Variants in NEXN observed in about 807,000 individuals in gnomAD.
NEXN encodes the protein nexilin.
Under a neutral mutation model 92.6 loss-of-function variants are expected in NEXN, and 65 were observed. The ratio of observed to expected loss-of-function variants is 0.70; its 90% CI spans 0.57 to 0.86. The LOEUF (loss-of-function observed/expected upper bound fraction) is 0.86, where lower values mean the gene tolerates loss of function less well. NEXN is among the 40% of genes least tolerant of loss of function. The pLI is 0.00. For synonymous variants in NEXN, 254 were observed against 242.5 expected (o/e 1.05, Z -0.44); for missense variants, 778 against 771.1 (o/e 1.01, Z -0.11).
At chr1:77,936,855 T>C (rs1650806906) in intron 11 of NEXN, among the ~76,000 whole-genome samples, 1 of 152,176 alleles carries the variant, frequency 6.6e-6, no homozygotes, top group African/African-American at 2.4e-5. Context: ...CAGAGGAGAC[T>C]GAATAAAAGG....
intron 6 of NEXN, among the ~76,000 whole-genome samples, chr1:77,925,965 T>C (rs1029358796): frequency 6.6e-6 from 1 of 152,148 alleles, no homozygotes; most frequent in Non-Finnish European, 1.5e-5. Flanking sequence ...TACTGTGTTT[T>C]TTTCTCACTA....
chr1:77,921,994 C>T (rs962279912), intron 5 of NEXN, among the ~76,000 whole-genome samples: 7 of 151,986 alleles, frequency 4.6e-5, no homozygotes, highest in African/African-American at 1.5e-4. Context: ...TCTCAAAATC[C>T]GGGGCTCAAG....
chr1:77,932,274 A>G (rs913190833), intron 9 of NEXN, among the ~76,000 whole-genome samples: 3 of 152,188 alleles, frequency 2.0e-5, no homozygotes, highest in African/African-American at 7.2e-5. Context: ...GCTTTGCCAC[A>G]TAGTATTTGT....
At chr1:77,900,057 T>TA (rs1473545391) in intron 1 of NEXN, among the ~76,000 whole-genome samples, 1 of 152,184 alleles carries the variant, frequency 6.6e-6, no homozygotes, top group Non-Finnish European at 1.5e-5. Flanking sequence ...ATAGTATTAT[T>TA]AGGTAATATC....
chr1:77,923,679 CTTTTT>C (rs67301412), intron 5 of NEXN, among the ~76,000 whole-genome samples: 4 of 83,114 alleles, frequency 4.8e-5, no homozygotes, highest in African/African-American at 1.3e-4. Flanking sequence ...ATTGAGCTCT[CTTTTT>C]TTTTTTTTTT....
At chr1:77,894,107 C>T (rs368053599) in intron 1 of NEXN, among the ~76,000 whole-genome samples, 8 of 151,970 alleles carry the variant, frequency 5.3e-5, no homozygotes, top group African/African-American at 1.2e-4. Context: ...TACAAGCATG[C>T]GCCACCGCAC....
chr1:77,912,217 T>C (rs1401309019), intron 1 of NEXN, among the ~76,000 whole-genome samples: 1 of 152,138 alleles, frequency 6.6e-6, no homozygotes, highest in Non-Finnish European at 1.5e-5. Flanking sequence ...TAAACAACTA[T>C]GAAATTATTT....
At chr1:77,924,194 T>C (rs1413908956) in intron 5 of NEXN, 2 of 175,678 alleles carry the variant, frequency 1.1e-5, no homozygotes, top group South Asian at 9.8e-5. Flanking sequence ...AAACCCCATC[T>C]CTACTAAAAA....
chr1:77,889,594 G>A (rs1188537626), intron 1 of NEXN: 1 of 152,170 alleles, frequency 6.6e-6, no homozygotes, highest in African/African-American at 2.4e-5. Flanking sequence ...GAAGTTGAGA[G>A]GTTATAGTTG....
At chr1:77,940,781 T>G (rs1651199144) in intron 11 of NEXN, among the ~76,000 whole-genome samples, 1 of 152,224 alleles carries the variant, frequency 6.6e-6, no homozygotes, top group African/African-American at 2.4e-5. Flanking sequence ...CATGTATTTT[T>G]CTTAGTCTTT....
At chr1:77,928,618 A>G (rs1184873501) in intron 8 of NEXN, among the ~76,000 whole-genome samples, 1 of 152,064 alleles carries the variant, frequency 6.6e-6, no homozygotes, top group Non-Finnish European at 1.5e-5. Flanking sequence ...TTTACATAAA[A>G]TAGTTCTAGA....
At chr1:77,932,588 G>A (rs1184308920) in intron 9 of NEXN, among the ~76,000 whole-genome samples, 1 of 152,092 alleles carries the variant, frequency 6.6e-6, no homozygotes, top group East Asian at 1.9e-4. Context: ...TAACTTAAAT[G>A]CTTTAATTAC....
intron 6 of NEXN, among the ~76,000 whole-genome samples, chr1:77,926,019 A>G (rs1649813394): frequency 6.6e-6 from 1 of 152,150 alleles, no homozygotes; most frequent in Admixed American, 6.5e-5. Flanking sequence ...ATAGAGAGAA[A>G]AATCATATGA....
intron 1 of NEXN, among the ~76,000 whole-genome samples, chr1:77,897,572 T>C (rs1647333707): frequency 6.6e-6 from 1 of 152,000 alleles, no homozygotes; most frequent in African/African-American, 2.4e-5. Context: ...GGACAAAAAC[T>C]GGAAGCATTC....
In NEXN at chr1:77,918,103, CT is replaced by C. The variant is rs397517855; in HGVS notation, c.299-14del. 471 of 1,612,864 alleles carry C rather than the reference CT, an allele frequency of 2.9e-4. No homozygotes were observed. In the African/African-American group the frequency reaches 5.4e-3, roughly 19 times the overall value. On this transcript the variant is annotated intron_variant, in intron 4 of 12. Coordinates refer to ENST00000334785, the MANE Select transcript of NEXN (RefSeq NM_144573.4). The stretch of plus-strand genomic sequence containing the variant: ...AATAGAAACATAACCAAGTATCAAA[CT>C]TTTTTTTCATATATTTTTAGGAACT...
Position 77,942,996 on chromosome 1 carries a change from G to T in NEXN, c.*167G>T. On this transcript the variant is annotated 3_prime_UTR_variant, in exon 13 of 13. Coordinates refer to ENST00000334785, the MANE Select transcript of NEXN (RefSeq NM_144573.4). ...TCTTTTCTGTGGCGGGGCCAAAAAA[G>T]GAAACCAGGAGTGCCACTATGCTGA... is the stretch of plus-strand genomic sequence containing the variant. 2.2e-6 allele frequency: 2 copies of T among 907,076 alleles called. No individual in the cohort carries two copies. Among genetic ancestry groups the T allele is most frequent in the Non-Finnish European group, 3.5e-6 (2 of 576,122 alleles). 56.2% of individuals were successfully genotyped at this position (907,076 alleles called of 1,614,324 possible).
intron 1 of NEXN, among the ~76,000 whole-genome samples, chr1:77,895,243 C>T (rs1189260574): frequency 1.3e-5 from 2 of 151,544 alleles, no homozygotes; most frequent in African/African-American, 2.4e-5. Context: ...GATGGGGTTT[C>T]GCCGTGTTAG....
intron 5 of NEXN, among the ~76,000 whole-genome samples, chr1:77,922,038 G>C (rs540390264): frequency 3.5e-4 from 54 of 152,204 alleles, no homozygotes; most frequent in African/African-American, 1.2e-3. Flanking sequence ...AAAGTTGGGG[G>C]AATACAGGCA....
chr1:77,933,831 A>C (rs1650510153), intron 10 of NEXN, among the ~76,000 whole-genome samples: 1 of 152,112 alleles, frequency 6.6e-6, no homozygotes, highest in South Asian at 2.1e-4. Context: ...ACAAGACGCC[A>C]TGTTCAGAAG....
Sources: gnomAD v4.1 joint callset for allele counts (sites outside exome capture counted in the v4.1 genomes callset) on GRCh38, gnomAD v4.1.1 for gene constraint, MANE v1.5 for transcripts, NCBI Gene and HGNC (gene_info 2026-07-23, HGNC 2026-07-21) for gene names.